The following TTBK2 variants were observed in gnomAD, a reference collection of about 807,000 sequenced individuals.
The protein encoded by TTBK2 is tau tubulin kinase 2.
In TTBK2, 28 loss-of-function variants were observed where a neutral mutation model predicts 110.8. The observed-to-expected ratio is 0.25, with a 90% confidence interval of 0.19 to 0.35. TTBK2 has a LOEUF of 0.35. TTBK2 is among the 10% of genes least tolerant of loss of function. The pLI, the probability that TTBK2 is intolerant of heterozygous loss-of-function variation, is 1.00. For synonymous variants in TTBK2, 532 were observed against 527.3 expected, an observed-to-expected ratio of 1.01 and a Z score of -0.12; for missense variants, 1,369 against 1,500.3, an observed-to-expected ratio of 0.91 and a Z score of 1.45.
chr15:42,897,371 G>T (rs746610143), intron 1 of TTBK2, among the ~76,000 whole-genome samples: 1 of 152,046 alleles, frequency 6.6e-6, no homozygotes, highest in Non-Finnish European at 1.5e-5. Flanking sequence ...ATTTGAATGA[G>T]TGAACACTTT....
chr15:42,829,904 C>T (rs1279771344), intron 5 of TTBK2, 34 bp downstream of exon 5: 4 of 1,613,390 alleles, frequency 2.5e-6, no homozygotes, highest in African/African-American at 1.3e-5. Context: ...AAGTATCAAA[C>T]TCATTCTGTG....
At chr15:42,790,288 A>ATTTTTTTTTTTTT (rs5812234) in intron 10 of TTBK2, among the ~76,000 whole-genome samples, 1 of 144,392 alleles carries the variant, frequency 6.9e-6, no homozygotes. Context: ...TTCTTTGTCT[A>ATTTTTTTTTTTTT]TTTTTTTTTT....
rs1193743117 is a variant in TTBK2 at position 42,741,672 on chromosome 15, T to A, written c.*4123A>T. On this transcript the variant is annotated 3_prime_UTR_variant, in exon 15 of 15. Coordinates refer to ENST00000267890, the MANE Select transcript of TTBK2 (RefSeq NM_173500.4). Reference sequence around the variant, plus strand: ...AAGTGGTTCTCTAACATATGCCATGTTTGATCAATATAAAGAATAAGTTTT... The same window carrying A: ...AAGTGGTTCTCTAACATATGCCATGATTGATCAATATAAAGAATAAGTTTT... 1 of 152,238 alleles carries A rather than the reference T, an allele frequency of 6.6e-6. No homozygotes were observed. The highest frequency in any genetic ancestry group is 1.5e-5 in the Non-Finnish European group (1 of 68,048). The allele number at this position is 152,238 out of a possible 1,614,324, so 9.4% of individuals were successfully genotyped here.
intron 3 of TTBK2, among the ~76,000 whole-genome samples, chr15:42,843,921 T>C (rs936003296): frequency 6.6e-6 from 1 of 152,086 alleles, no homozygotes; most frequent in Non-Finnish European, 1.5e-5. Flanking sequence ...CACATGAAGA[T>C]AGTTTCAATA....
rs1304911782 is a variant in TTBK2, at chr15:42,742,287, A to G, written c.*3508T>C. On this transcript the variant is annotated 3_prime_UTR_variant, in exon 15 of 15. Transcript: ENST00000267890. ...ATTCACATCACAACATGCAACTTAA[A>G]AAACAGTTAATGTAACTATGCCACT... 6.6e-6 allele frequency: 1 copy of G among 152,244 alleles called. No homozygotes were observed. Among genetic ancestry groups the G allele is most frequent in the Admixed American group, 6.5e-5 (1 of 15,284 alleles). The allele number at this position is 152,244 out of a possible 1,614,324, so 9.4% of individuals were successfully genotyped here.
chr15:42,812,962 C>G (rs1891785660), intron 7 of TTBK2, among the ~76,000 whole-genome samples: 1 of 150,914 alleles, frequency 6.6e-6, no homozygotes, highest in African/African-American at 2.4e-5. Context: ...TTAGAGAATC[C>G]AGTAGTGAAC....
intron 1 of TTBK2, among the ~76,000 whole-genome samples, chr15:42,889,513 A>T (rs1228872524): frequency 1.3e-5 from 2 of 152,178 alleles, no homozygotes; most frequent in Non-Finnish European, 2.9e-5. Context: ...CTCAATCTTC[A>T]GGAAAGGTAA....
intron 9 of TTBK2, chr15:42,801,028 T>C (rs773457318): frequency 1.3e-6 from 1 of 765,838 alleles, no homozygotes; most frequent in Non-Finnish European, 2.4e-6. Flanking sequence ...ATCTTCTTCA[T>C]GACCACGGCC....
intron 10 of TTBK2, among the ~76,000 whole-genome samples, chr15:42,790,276 T>A (rs1378862775): frequency 7.1e-6 from 1 of 140,608 alleles, no homozygotes; most frequent in African/African-American, 2.6e-5. Context: ...CTACAAGATG[T>A]ATTCTTTGTC....
At chr15:42,911,321 G>A (rs2030743683) in intron 1 of TTBK2, among the ~76,000 whole-genome samples, 1 of 152,132 alleles carries the variant, frequency 6.6e-6, no homozygotes, top group African/African-American at 2.4e-5. Context: ...GTAGGACTGT[G>A]CTGGGCACTG....
intron 3 of TTBK2, among the ~76,000 whole-genome samples, chr15:42,864,023 A>G (rs551531987): frequency 2.6e-5 from 4 of 152,212 alleles, no homozygotes; most frequent in Non-Finnish European, 5.9e-5. Context: ...TGGCCTTGGC[A>G]AAGGCATTTT....
At chr15:42,855,324 T>C (rs948231097) in intron 3 of TTBK2, 2 of 152,230 alleles carry the variant, frequency 1.3e-5, no homozygotes, top group Admixed American at 6.5e-5. Flanking sequence ...TAGCAATTAG[T>C]ACCCTAGTGG....
rs35097306 is a variant in TTBK2 at position 42,804,030 on chromosome 15, AAG to A, written c.822+6582_822+6583del. 1.9e-3 allele frequency among the ~76,000 whole-genome samples: 243 copies of A among 127,238 alleles called. 1 individual carries two copies. The highest frequency in any genetic ancestry group is 2.5e-3 in the Non-Finnish European group (163 of 64,856). 83.5% of individuals were successfully genotyped at this position (127,238 alleles called of 152,430 possible). On this transcript the variant is annotated intron_variant, in intron 9 of 14. Transcript: ENST00000267890. ...GTGCAAAAAAAAAAAAAAAAAAAAA[AAG>A]AGAGAGATGATTACAAGCAAATGCA...
At chr15:42,749,043 G>C (rs1874382820) in intron 14 of TTBK2, among the ~76,000 whole-genome samples, 1 of 152,084 alleles carries the variant, frequency 6.6e-6, no homozygotes, top group South Asian at 2.1e-4. Flanking sequence ...ACTGAACAAA[G>C]CTAGAAAATT....
intron 1 of TTBK2, among the ~76,000 whole-genome samples, chr15:42,888,664 A>G (rs558938004): frequency 1.4e-4 from 22 of 152,180 alleles, no homozygotes; most frequent in Non-Finnish European, 2.9e-4. Flanking sequence ...CTGCACCACC[A>G]TGCTGTTATG....
chr15:42,769,812 A>G (rs1161377487), intron 13 of TTBK2, among the ~76,000 whole-genome samples: 1 of 152,222 alleles, frequency 6.6e-6, no homozygotes, highest in Non-Finnish European at 1.5e-5. Context: ...ATGTACATGT[A>G]TGTTTATTGT....
chr15:42,766,606 A>T (rs1418238123), intron 13 of TTBK2, among the ~76,000 whole-genome samples: 2 of 152,068 alleles, frequency 1.3e-5, no homozygotes, highest in Non-Finnish European at 2.9e-5. Context: ...ATATGCACCC[A>T]ATACAGGAGC....
intron 3 of TTBK2, among the ~76,000 whole-genome samples, chr15:42,842,204 G>C (rs1893248243): frequency 6.6e-6 from 1 of 151,910 alleles, no homozygotes; most frequent in Non-Finnish European, 1.5e-5. Flanking sequence ...CCTAGAAAAT[G>C]CAACATTCAA....
chr15:42,867,585 G>A (rs1334767430), intron 3 of TTBK2, among the ~76,000 whole-genome samples: 3 of 152,170 alleles, frequency 2.0e-5, no homozygotes, highest in Non-Finnish European at 4.4e-5. Flanking sequence ...ATGAAAAAGC[G>A]CTCCATATCA....
Sources: allele counts gnomAD v4.1 joint callset (sites outside exome capture counted in the v4.1 genomes callset), GRCh38; gene constraint gnomAD v4.1.1; transcripts MANE v1.5; gene names NCBI Gene and HGNC (gene_info 2026-07-23, HGNC 2026-07-21).